SYT1: variants seen among roughly 807,000 people sequenced by gnomAD.
SYT1 encodes the protein synaptotagmin 1.
A neutral mutation model predicts 44.8 loss-of-function variants in SYT1; 8 were observed. The ratio of observed to expected loss-of-function variants is 0.18; its 90% confidence interval spans 0.10 to 0.32. The LOEUF (loss-of-function observed/expected upper bound fraction) is 0.32. Ranked by LOEUF, SYT1 falls within the 10% of genes least tolerant of loss-of-function variation. The pLI is 1.00. For missense variants in SYT1, 286 were observed against 509.3 expected (o/e 0.56, Z 4.22); for synonymous variants, 154 against 188.8 (o/e 0.82, Z 1.51).
In SYT1 at chr12:79,300,792, TATATATATATATATATATA is replaced by T. The variant is rs1880107244; in HGVS notation, c.810+1242_810+1260del. 2.7e-5 allele frequency among the ~76,000 whole-genome samples: 2 copies of T among 74,890 alleles called. 1 individual carries two copies. Among genetic ancestry groups the T allele is most frequent in the Non-Finnish European group, 6.2e-5 (2 of 32,100 alleles). 49.1% of individuals were successfully genotyped at this position (74,890 alleles called of 152,430 possible). On this transcript the variant is annotated intron_variant, in intron 8 of 10. Coordinates refer to ENST00000261205, the MANE Select transcript of SYT1 (RefSeq NM_005639.3). ...ATATAATATTCATGTATACTTATTA[TATATATATATATATATATA>T]TATATATATATATTTACTGTCTCAA... is the stretch of plus-strand genomic sequence containing the variant.
intron 1 of SYT1, among the ~76,000 whole-genome samples, chr12:78,872,419 C>T (rs535516990): frequency 2.0e-4 from 31 of 151,862 alleles, no homozygotes; most frequent in African/African-American, 7.5e-4. Flanking sequence ...GAACACATAG[C>T]AACAGTTTTA....
At chr12:79,364,634 G>T (rs559328813) in intron 9 of SYT1, among the ~76,000 whole-genome samples, 1 of 151,968 alleles carries the variant, frequency 6.6e-6, no homozygotes, top group Non-Finnish European at 1.5e-5. Flanking sequence ...AGAATTAAGC[G>T]CATTTATTTT....
At chr12:79,051,078 A>AT (rs982477482) in intron 3 of SYT1, among the ~76,000 whole-genome samples, 3 of 151,664 alleles carry the variant, frequency 2.0e-5, no homozygotes, top group African/African-American at 7.3e-5. Context: ...ACCACCCACC[A>AT]TTTTTTTCTA....
intron 8 of SYT1, among the ~76,000 whole-genome samples, chr12:79,319,827 C>G (rs997039716): frequency 6.6e-6 from 1 of 152,194 alleles, no homozygotes; most frequent in East Asian, 1.9e-4. Flanking sequence ...AGTGCAAGTT[C>G]CTGGAAAAAC....
At chr12:78,934,407 C>T (rs149560569) in intron 1 of SYT1, among the ~76,000 whole-genome samples, 58 of 152,000 alleles carry the variant, frequency 3.8e-4, no homozygotes, top group African/African-American at 1.3e-3. Flanking sequence ...TGTGGTGGTG[C>T]ACATCTGTAG....
rs113648597 is a variant in SYT1, at chr12:78,944,356, A to T, written c.-216-33443A>T. Among the ~76,000 whole-genome samples, 257 of 151,924 alleles carry T rather than the reference A, an allele frequency of 1.7e-3. 1 individual carries two copies. The highest frequency in any genetic ancestry group is 0.01 in the Middle Eastern group (3 of 294). Reference sequence around the variant, plus strand: ...GATAAAGGCTTAGTAAAAGATGAAAATATTTCTTATAAGTAAGTTACTACA... The same window carrying T: ...GATAAAGGCTTAGTAAAAGATGAAATTATTTCTTATAAGTAAGTTACTACA... On this transcript the variant is annotated intron_variant, in intron 1 of 10. Transcript: ENST00000261205.
At chr12:78,968,895 T>A (rs1868311846) in intron 1 of SYT1, among the ~76,000 whole-genome samples, 1 of 152,108 alleles carries the variant, frequency 6.6e-6, no homozygotes, top group African/African-American at 2.4e-5. Context: ...TAAGACAAAG[T>A]GCCTGCCCTC....
chr12:79,311,855 C>T (rs1880815424), intron 8 of SYT1, among the ~76,000 whole-genome samples: 1 of 115,720 alleles, frequency 8.6e-6, no homozygotes, highest in South Asian at 3.0e-4. Flanking sequence ...ACATCACACT[C>T]TGGGGACTGT....
chr12:79,357,444 A>G (rs1275050449), intron 9 of SYT1, among the ~76,000 whole-genome samples: 1 of 152,230 alleles, frequency 6.6e-6, no homozygotes, highest in Non-Finnish European at 1.5e-5. Flanking sequence ...ACAAACCTAG[A>G]TGGTGCAGCC....
intron 8 of SYT1, among the ~76,000 whole-genome samples, chr12:79,339,952 G>C (rs1203300092): frequency 6.6e-6 from 1 of 152,042 alleles, no homozygotes; most frequent in African/African-American, 2.4e-5. Flanking sequence ...TCTTGTTTTT[G>C]TCAGTTTTGT....
At chr12:79,190,025 T>C (rs1343659988) in intron 3 of SYT1, among the ~76,000 whole-genome samples, 9 of 152,154 alleles carry the variant, frequency 5.9e-5, no homozygotes, top group Admixed American at 5.9e-4. Flanking sequence ...CACTGGACTG[T>C]ATTTTGCCTT....
chr12:79,403,271 G>T (rs528816428), intron 9 of SYT1, among the ~76,000 whole-genome samples: 1 of 152,162 alleles, frequency 6.6e-6, no homozygotes, highest in Non-Finnish European at 1.5e-5. Flanking sequence ...GGAAGAGGCA[G>T]TTGGGAGAGA....
intron 8 of SYT1, among the ~76,000 whole-genome samples, chr12:79,332,875 T>C (rs572681881): frequency 6.6e-6 from 1 of 152,360 alleles, no homozygotes; most frequent in East Asian, 1.9e-4. Context: ...TTAAATGGAC[T>C]GTGCATGAAA....
intron 1 of SYT1, among the ~76,000 whole-genome samples, chr12:78,876,726 AATTATATATTATAT>A (rs1312233644): frequency 1.8e-5 from 2 of 108,496 alleles, no homozygotes; most frequent in South Asian, 2.6e-4. Flanking sequence ...TATATAATAT[AATTATATATTATAT>A]ATTATATATT....
At chr12:79,183,931 G>T (rs1872673831) in intron 3 of SYT1, among the ~76,000 whole-genome samples, 1 of 152,024 alleles carries the variant, frequency 6.6e-6, no homozygotes. Flanking sequence ...CAGTGTGTTT[G>T]TACCCTTAGC....
chr12:79,094,815 C>A (rs1252983651), intron 3 of SYT1, among the ~76,000 whole-genome samples: 1 of 151,830 alleles, frequency 6.6e-6, no homozygotes, highest in Non-Finnish European at 1.5e-5. Context: ...ACAAGAAACT[C>A]AACAGCAAAA....
intron 2 of SYT1, among the ~76,000 whole-genome samples, chr12:79,027,953 A>G (rs1175752574): frequency 1.3e-5 from 2 of 151,472 alleles, no homozygotes; most frequent in Admixed American, 1.3e-4. Flanking sequence ...CCTTGTGTGC[A>G]TTTGAACTTG....
chr12:78,956,490 G>T (rs1879224757), intron 1 of SYT1, among the ~76,000 whole-genome samples: 1 of 150,980 alleles, frequency 6.6e-6, no homozygotes, highest in Non-Finnish European at 1.5e-5. Flanking sequence ...CTGCTAGAAA[G>T]AAAACTTGAG....
chr12:78,921,795 G>C (rs184473693), intron 1 of SYT1, among the ~76,000 whole-genome samples: 4 of 151,986 alleles, frequency 2.6e-5, no homozygotes, highest in Non-Finnish European at 5.9e-5. Flanking sequence ...TGGTATTTCT[G>C]CTATGTCTTT....
Sources: allele counts gnomAD v4.1 joint callset (sites outside exome capture counted in the v4.1 genomes callset), GRCh38; gene constraint gnomAD v4.1.1; transcripts MANE v1.5; gene names NCBI Gene and HGNC (gene_info 2026-07-23, HGNC 2026-07-21).